Variants in OLFM3 observed in about 807,000 individuals in gnomAD.
OLFM3 encodes the protein noelin-3.
A neutral mutation model predicts 48.6 loss-of-function variants in OLFM3; 20 were observed. The observed-to-expected ratio is 0.41, with a 90% CI of 0.29 to 0.60. The LOEUF is 0.60. Ranked by LOEUF, OLFM3 falls within the 20% of genes least tolerant of loss-of-function variation. The pLI is 0.28. For synonymous variants in OLFM3, 222 were observed against 198.1 expected (o/e 1.12, Z -1.01); for missense variants, 437 against 544.3 (o/e 0.80, Z 1.96).
chr1:101,811,303 G>C (rs1162314395), intron 4 of OLFM3, among the ~76,000 whole-genome samples: 1 of 151,932 alleles, frequency 6.6e-6, no homozygotes, highest in Admixed American at 6.6e-5. Flanking sequence ...TATGGAGTTT[G>C]ACTTAACATT....
intron 1 of OLFM3, among the ~76,000 whole-genome samples, chr1:101,946,346 A>G (rs747268540): frequency 3.9e-5 from 6 of 152,174 alleles, no homozygotes; most frequent in Non-Finnish European, 8.8e-5. Flanking sequence ...TTGAAAATCT[A>G]GAGACAAAGA....
intron 1 of OLFM3, among the ~76,000 whole-genome samples, chr1:101,951,721 G>A (rs1358500020): frequency 2.0e-5 from 3 of 152,022 alleles, no homozygotes; most frequent in Admixed American, 6.6e-5. Context: ...GAAATATTTT[G>A]CATCTATAAA....
At chr1:101,959,150 G>T (rs1660391044) in intron 1 of OLFM3, among the ~76,000 whole-genome samples, 1 of 151,698 alleles carries the variant, frequency 6.6e-6, no homozygotes, top group South Asian at 2.1e-4. Flanking sequence ...CCTATAAACT[G>T]CATGTGAGGC....
intron 1 of OLFM3, among the ~76,000 whole-genome samples, chr1:101,840,594 C>T (rs1038072835): frequency 1.3e-5 from 2 of 151,970 alleles, no homozygotes; most frequent in Non-Finnish European, 2.9e-5. Flanking sequence ...CCACAGTTTC[C>T]TGAGTAGCTG....
At chr1:101,824,708 C>G (rs1654776200) in intron 4 of OLFM3, among the ~76,000 whole-genome samples, 5 of 151,982 alleles carry the variant, frequency 3.3e-5, no homozygotes, top group Admixed American at 3.3e-4. Context: ...TTTCCACTAG[C>G]CAAGCAATGA....
intron 1 of OLFM3, among the ~76,000 whole-genome samples, chr1:101,870,785 T>A (rs1030812719): frequency 6.6e-6 from 1 of 152,090 alleles, no homozygotes; most frequent in Non-Finnish European, 1.5e-5. Flanking sequence ...GAGAGCTTTT[T>A]TAAAATATCC....
intron 1 of OLFM3, among the ~76,000 whole-genome samples, chr1:101,927,912 A>T (rs1368700291): frequency 6.6e-6 from 1 of 151,962 alleles, no homozygotes; most frequent in Non-Finnish European, 1.5e-5. Flanking sequence ...TTTGATAAAA[A>T]CATAAATATC....
chr1:101,946,457 G>A (rs996907968), intron 1 of OLFM3, among the ~76,000 whole-genome samples: 5 of 152,144 alleles, frequency 3.3e-5, no homozygotes, highest in Admixed American at 1.3e-4. Flanking sequence ...AGGCAAGCAA[G>A]TAAGTACCTA....
chr1:101,834,695 T>C (rs1254964919), intron 2 of OLFM3, among the ~76,000 whole-genome samples: 2 of 152,242 alleles, frequency 1.3e-5, no homozygotes, highest in Non-Finnish European at 2.9e-5. Context: ...ACATCTGCCT[T>C]GTGGTGACTC....
intron 1 of OLFM3, among the ~76,000 whole-genome samples, chr1:101,981,262 T>C (rs1300640193): frequency 2.6e-4 from 39 of 152,122 alleles, no homozygotes; most frequent in Admixed American, 2.6e-3. Flanking sequence ...GAAGCTTCCA[T>C]GCACTCACAC....
At chr1:101,840,290 T>A (rs6681179) in intron 1 of OLFM3, among the ~76,000 whole-genome samples, 52,066 of 151,968 alleles carry the variant, frequency 0.34, 9,385 homozygotes, top group Non-Finnish European at 0.39. Flanking sequence ...TCGAATATTA[T>A]AATACACCTA....
intron 1 of OLFM3, among the ~76,000 whole-genome samples, chr1:101,896,398 T>G (rs1214683622): frequency 6.6e-6 from 1 of 151,712 alleles, no homozygotes; most frequent in African/African-American, 2.4e-5. Context: ...GTTCTAAGAG[T>G]GGACACAGTT....
intron 3 of OLFM3, among the ~76,000 whole-genome samples, chr1:101,826,072 G>T (rs1654848746): frequency 6.6e-6 from 1 of 151,158 alleles, no homozygotes; most frequent in South Asian, 2.1e-4. Flanking sequence ...TGTAGTTTAT[G>T]TAATAGATGA....
intron 1 of OLFM3, among the ~76,000 whole-genome samples, chr1:101,917,892 G>A (rs543058473): frequency 6.6e-6 from 1 of 152,096 alleles, no homozygotes; most frequent in East Asian, 1.9e-4. Flanking sequence ...CATTACAGTG[G>A]TATTCTCCTG....
rs1300899560 is a variant in OLFM3, at chr1:101,804,790, A to G, written c.825T>C (p.His275=). The part of the protein sequence containing the change: ...NLPFKWAGTN[H]VVYNGSLYFN... ...AATAGAGTGAGCCATTGTAGACAAC[A>G]TGGTTAGTTCCTGCCCACTTGAAAG... Residue 275 remains histidine (H), a synonymous_variant, in exon 6 of 6, where the codon CAT becomes CAC. Transcript: ENST00000370103. The surrounding 1 kb of genome is among the most constrained non-coding windows in gnomAD (Gnocchi z 4.5). 1.9e-6 allele frequency: 3 copies of G among 1,612,680 alleles called. No homozygotes were observed. The highest frequency in any genetic ancestry group is 2.2e-5 in the South Asian group (2 of 91,060).
chr1:101,864,691 A>G lies in OLFM3; in HGVS notation c.70-27666T>C, dbSNP rs564050202. On this transcript the variant is annotated intron_variant, in intron 1 of 5. Transcript: ENST00000370103. ...TTAGCACCATGATCAGGAGTCTCCC[A>G]ACCAGAACAGATCAAGAGACAGTGT... 6.6e-5 allele frequency among the ~76,000 whole-genome samples: 10 copies of G among 152,262 alleles called. No individual in the cohort carries two copies. In the South Asian group the frequency reaches 1.9e-3, roughly 28 times the overall value.
At chr1:101,876,027 CTT>C (rs752680488) in intron 1 of OLFM3, among the ~76,000 whole-genome samples, 155 of 152,122 alleles carry the variant, frequency 1.0e-3, no homozygotes, top group Non-Finnish European at 2.0e-3. Flanking sequence ...GTTTTGCACT[CTT>C]AATTTATTTA....
rs571509923 is a variant in OLFM3 at position 101,833,080 on chromosome 1, T to C, written c.217-2253A>G. 1.7e-3 allele frequency among the ~76,000 whole-genome samples: 257 copies of C among 152,352 alleles called. 2 individuals carry two copies. Among genetic ancestry groups the C allele is most frequent in the African/African-American group, 5.7e-3 (239 of 41,588 alleles). On this transcript the variant is annotated intron_variant, in intron 2 of 5. Transcript: ENST00000370103. ...GGCTGATATCCTGGTAATAATTCTA[T>C]GTACCTGGGCCAAGTCTATACAATT... is the stretch of plus-strand genomic sequence containing the variant.
intron 1 of OLFM3, among the ~76,000 whole-genome samples, chr1:101,911,265 C>T (rs1053970484): frequency 3.3e-5 from 5 of 151,908 alleles, no homozygotes; most frequent in Non-Finnish European, 7.4e-5. Flanking sequence ...GGAAGGGTAG[C>T]AGAATATTAA....
Sources: allele counts gnomAD v4.1 joint callset (sites outside exome capture counted in the v4.1 genomes callset), GRCh38; gene constraint gnomAD v4.1.1; non-coding constraint Gnocchi (gnomAD v3.1); transcripts MANE v1.5; gene names NCBI Gene and HGNC (gene_info 2026-07-23, HGNC 2026-07-21).